Variants in SGCZ observed in about 807,000 individuals in gnomAD.
SGCZ encodes the protein sarcoglycan zeta, also known as zeta-sarcoglycan.
Under a neutral mutation model 41.3 loss-of-function variants are expected in SGCZ, and 40 were observed. The observed-to-expected ratio is 0.97, with a 90% CI of 0.75 to 1.26. The LOEUF (loss-of-function observed/expected upper bound fraction) is 1.26. Among genes scored for constraint, SGCZ ranks in the 50% most tolerant of loss-of-function variants. The pLI is 0.00. For synonymous variants in SGCZ, 206 were observed against 137.5 expected (o/e 1.50, Z -3.49); for missense variants, 552 against 369.8 (o/e 1.49, Z -4.04).
At chr8:14,992,711 C>G (rs548075535) in intron 1 of SGCZ, among the ~76,000 whole-genome samples, 115 of 134,004 alleles carry the variant, frequency 8.6e-4, no homozygotes, top group Admixed American at 1.9e-3. Flanking sequence ...CACCCATCCT[C>G]CTCATTCAAT....
intron 2 of SGCZ, among the ~76,000 whole-genome samples, chr8:14,448,345 A>C (rs1800494359): frequency 1.3e-5 from 2 of 152,216 alleles, no homozygotes; most frequent in Admixed American, 1.3e-4. Flanking sequence ...ATTTAACTAC[A>C]GTTATTTACA....
intron 1 of SGCZ, among the ~76,000 whole-genome samples, chr8:15,032,236 C>T (rs918225194): frequency 3.9e-5 from 6 of 152,004 alleles, no homozygotes; most frequent in African/African-American, 1.5e-4. Flanking sequence ...AATGTCTTTG[C>T]AAAAGCTAAG....
At chr8:14,151,358 C>G (rs896273072) in intron 5 of SGCZ, among the ~76,000 whole-genome samples, 10 of 151,790 alleles carry the variant, frequency 6.6e-5, no homozygotes, top group African/African-American at 2.4e-4. Context: ...ATAATCACTT[C>G]AAAGCCAAAT....
At chr8:14,951,131 C>T (rs765140568) in intron 1 of SGCZ, among the ~76,000 whole-genome samples, 1 of 151,850 alleles carries the variant, frequency 6.6e-6, no homozygotes, top group Non-Finnish European at 1.5e-5. Context: ...TTAATGTAAT[C>T]TTATGTTTAG....
At chr8:15,148,916 G>A (rs1349576471) in intron 1 of SGCZ, among the ~76,000 whole-genome samples, 1 of 152,176 alleles carries the variant, frequency 6.6e-6, no homozygotes, top group Admixed American at 6.5e-5. Flanking sequence ...AGAAAAGCAA[G>A]AACAGGGAAT....
rs555974874 is a variant in SGCZ, at chr8:15,114,027, C to T, written c.39+123558G>A. Among the ~76,000 whole-genome samples, 5 of 152,276 alleles carry T rather than the reference C, an allele frequency of 3.3e-5. No homozygotes were observed. The East Asian group carries it at 9.6e-4, about 29-fold the overall frequency. ...TTAAAGGAGGTATCTTGGTATCTTTCCCTCCTTTTGTCTCCTGCCAGATTA... is the reference window on the plus strand; with the variant it reads ...TTAAAGGAGGTATCTTGGTATCTTTTCCTCCTTTTGTCTCCTGCCAGATTA... On this transcript the variant is annotated intron_variant, in intron 1 of 7. Transcript: ENST00000382080.
At chr8:14,205,064 C>T (rs1481129783) in intron 4 of SGCZ, among the ~76,000 whole-genome samples, 6 of 152,204 alleles carry the variant, frequency 3.9e-5, no homozygotes, top group African/African-American at 1.2e-4. Context: ...TCTATCTATA[C>T]TATTGGTTTT....
intron 1 of SGCZ, among the ~76,000 whole-genome samples, chr8:15,046,233 A>C (rs1373185345): frequency 6.6e-6 from 1 of 152,036 alleles, no homozygotes; most frequent in Non-Finnish European, 1.5e-5. Context: ...CTCTTCACAT[A>C]TACCATGGAA....
chr8:14,583,832 T>C (rs1804973566), intron 1 of SGCZ, among the ~76,000 whole-genome samples: 1 of 152,162 alleles, frequency 6.6e-6, no homozygotes, highest in South Asian at 2.1e-4. Context: ...AAAACATATA[T>C]ATATATATAA....
At chr8:14,230,827 T>C (rs1185055075) in intron 4 of SGCZ, among the ~76,000 whole-genome samples, 3 of 151,934 alleles carry the variant, frequency 2.0e-5, no homozygotes, top group East Asian at 1.9e-4. Context: ...AAACATGTTT[T>C]GTGTTTGATA....
intron 1 of SGCZ, among the ~76,000 whole-genome samples, chr8:15,094,221 A>G (rs1404557909): frequency 1.3e-5 from 2 of 151,342 alleles, no homozygotes; most frequent in Non-Finnish European, 2.9e-5. Flanking sequence ...TGCTAACTCT[A>G]CCTCCCAGGT....
chr8:14,459,445 A>T lies in SGCZ; in HGVS notation c.234+95287T>A, dbSNP rs141688532. 6.0e-3 allele frequency among the ~76,000 whole-genome samples: 909 copies of T among 152,298 alleles called. 8 individuals carry two copies. Among genetic ancestry groups the T allele is most frequent in the African/African-American group, 0.021 (880 of 41,560 alleles). The stretch of plus-strand genomic sequence containing the variant: ...AAAATAAAATAAAAAATAAAAAAAG[A>T]AGAAAAAGTGTTCTAATACATATAG... On this transcript the variant is annotated intron_variant, in intron 2 of 7. Transcript: ENST00000382080.
chr8:14,168,412 T>C (rs762062045), intron 4 of SGCZ, among the ~76,000 whole-genome samples: 69 of 152,224 alleles, frequency 4.5e-4, no homozygotes, highest in Non-Finnish European at 6.3e-4. Flanking sequence ...AATTCCCACA[T>C]ATCATGGGAG....
At chr8:14,902,418 G>A (rs938994609) in intron 1 of SGCZ, among the ~76,000 whole-genome samples, 6 of 152,066 alleles carry the variant, frequency 3.9e-5, no homozygotes, top group Non-Finnish European at 5.9e-5. Flanking sequence ...CTGTCTCTCC[G>A]AAGTTTTTGC....
intron 1 of SGCZ, among the ~76,000 whole-genome samples, chr8:14,603,741 A>G (rs1160638282): frequency 6.6e-6 from 1 of 152,214 alleles, no homozygotes; most frequent in African/African-American, 2.4e-5. Context: ...GCTTTCAAGT[A>G]AAATAAAGTT....
chr8:14,104,400 G>A (rs1802137555), intron 6 of SGCZ, among the ~76,000 whole-genome samples: 1 of 144,188 alleles, frequency 6.9e-6, no homozygotes, highest in Non-Finnish European at 1.5e-5. Flanking sequence ...ACAAGATACA[G>A]TTTTTAAGGT....
At chr8:14,356,029 G>A (rs1585400484) in intron 2 of SGCZ, among the ~76,000 whole-genome samples, 1 of 152,086 alleles carries the variant, frequency 6.6e-6, no homozygotes, top group Admixed American at 6.6e-5. Context: ...CTAGTAATAT[G>A]CAGTTTCATA....
At chr8:14,362,408 G>A (rs748827984) in intron 2 of SGCZ, among the ~76,000 whole-genome samples, 29 of 152,176 alleles carry the variant, frequency 1.9e-4, no homozygotes, top group Non-Finnish European at 3.5e-4. Flanking sequence ...AATGGTGGAC[G>A]CCCCAACGCC....
intron 2 of SGCZ, among the ~76,000 whole-genome samples, chr8:14,520,900 A>T (rs1802769126): frequency 6.6e-6 from 1 of 152,194 alleles, no homozygotes; most frequent in African/African-American, 2.4e-5. Flanking sequence ...TATAACAAGC[A>T]TGTTTGCATT....
Sources: gnomAD v4.1 joint callset for allele counts (sites outside exome capture counted in the v4.1 genomes callset) on GRCh38, gnomAD v4.1.1 for gene constraint, MANE v1.5 for transcripts, NCBI Gene and HGNC (gene_info 2026-07-23, HGNC 2026-07-21) for gene names.